TMCO6: variants seen among roughly 807,000 people sequenced by gnomAD.
TMCO6 encodes the protein transmembrane and coiled-coil domains 6, also known as transmembrane and coiled-coil domain-containing protein 6.
TMCO6 carries 47 observed loss-of-function variants against 61.8 expected under a neutral mutation model. That is an observed-to-expected ratio of 0.76 (90% CI 0.60 to 0.97). The LOEUF (loss-of-function observed/expected upper bound fraction) is 0.97. Among genes scored for constraint, TMCO6 ranks in the 50% least tolerant of loss-of-function variants. TMCO6 has a pLI of 0.00. For synonymous variants in TMCO6, 261 were observed against 254.2 expected (o/e 1.03, Z -0.25); for missense variants, 557 against 601.6 (o/e 0.93, Z 0.78).
the TMCO6 span, among the ~76,000 whole-genome samples, chr5:140,607,737 T>A: frequency 6.6e-6 from 1 of 152,064 alleles, no homozygotes; most frequent in Non-Finnish European, 1.5e-5. Flanking sequence ...TTGTTGTTGA[T>A]TAGTGCTATA....
At chr5:140,633,639 T>G in the TMCO6 span, 1 of 161,790 alleles carries the variant, frequency 6.2e-6, no homozygotes, top group Admixed American at 5.8e-5. Context: ...CTCAGATATT[T>G]AACTGCATGT....
chr5:140,621,006 C>T, the TMCO6 span, among the ~76,000 whole-genome samples: 1 of 151,544 alleles, frequency 6.6e-6, no homozygotes, highest in Non-Finnish European at 1.5e-5. Context: ...GAGTGAGAAC[C>T]CATCTCAAAA....
the TMCO6 span, among the ~76,000 whole-genome samples, chr5:140,605,154 C>T: frequency 6.6e-6 from 1 of 152,096 alleles, no homozygotes; most frequent in Non-Finnish European, 1.5e-5. Flanking sequence ...ATTGCTATTG[C>T]ATAGAAACAA....
the TMCO6 span, among the ~76,000 whole-genome samples, chr5:140,627,713 T>G: frequency 7.0e-6 from 1 of 143,034 alleles, no homozygotes; most frequent in Non-Finnish European, 1.5e-5. Context: ...ATTTGCCAGT[T>G]TTTACATTTT....
In TMCO6 at chr5:140,639,844, A is replaced by AT; in HGVS notation, c.191_192insT (p.Glu64AspfsTer35). 1 of 1,604,650 alleles carries AT rather than the reference A, an allele frequency of 6.2e-7. No individual in the cohort carries two copies. Among genetic ancestry groups the AT allele is most frequent in the Non-Finnish European group, 8.5e-7 (1 of 1,176,522 alleles). On this transcript the variant is annotated frameshift_variant, in exon 2 of 12. Transcript: ENST00000394671. LOFTEE classifies it high-confidence loss of function. Reference sequence around the variant, plus strand: ...GGATGTGTGGCTGCGATCCTCGGGGAAACCGAGGTGAGGGGGCAAGGTAGG... The same window carrying AT: ...GGATGTGTGGCTGCGATCCTCGGGGATAACCGAGGTGAGGGGGCAAGGTAGG...
chr5:140,620,843 T>G, the TMCO6 span, among the ~76,000 whole-genome samples: 49,320 of 151,826 alleles, frequency 0.32, 8,433 homozygotes, highest in African/African-American at 0.43. Context: ...AGACCTTGCC[T>G]CTACAAAAAA....
the TMCO6 span, among the ~76,000 whole-genome samples, chr5:140,606,766 A>T: frequency 6.6e-6 from 1 of 152,114 alleles, no homozygotes; most frequent in African/African-American, 2.4e-5. Flanking sequence ...GTCTCTACTA[A>T]AATACAAAAG....
the TMCO6 span, among the ~76,000 whole-genome samples, chr5:140,601,577 CAG>C: frequency 6.6e-6 from 1 of 152,134 alleles, no homozygotes; most frequent in Admixed American, 6.5e-5. Context: ...TTTTTTGAGA[CAG>C]AGTCTCGTTC....
the TMCO6 span, among the ~76,000 whole-genome samples, chr5:140,621,095 A>C: frequency 6.6e-6 from 1 of 152,190 alleles, no homozygotes; most frequent in East Asian, 1.9e-4. Flanking sequence ...ATATATGCCC[A>C]AAAGACCTAT....
the TMCO6 span, among the ~76,000 whole-genome samples, chr5:140,616,030 G>T: frequency 6.6e-6 from 1 of 152,168 alleles, no homozygotes; most frequent in South Asian, 2.1e-4. Context: ...TACTCAGGAG[G>T]CTGAGGCAGG....
chr5:140,618,791 C>A, the TMCO6 span, among the ~76,000 whole-genome samples: 2 of 151,982 alleles, frequency 1.3e-5, no homozygotes, highest in Non-Finnish European at 2.9e-5. Flanking sequence ...TGAATCTAGA[C>A]ACAGATTTTA....
the TMCO6 span, among the ~76,000 whole-genome samples, chr5:140,610,709 T>G: frequency 2.0e-5 from 3 of 152,266 alleles, no homozygotes; most frequent in Non-Finnish European, 2.9e-5. Flanking sequence ...TCAACCTGGA[T>G]GCCATTTATT....
At chr5:140,601,974 A>G in the TMCO6 span, among the ~76,000 whole-genome samples, 1 of 152,246 alleles carries the variant, frequency 6.6e-6, no homozygotes, top group Non-Finnish European at 1.5e-5. Context: ...TTAGGCAACA[A>G]GATGTTGCCC....
chr5:140,631,907 C>T, the TMCO6 span: 3 of 1,597,462 alleles, frequency 1.9e-6, no homozygotes, highest in South Asian at 1.1e-5. Context: ...CCGACACCCC[C>T]ACCGACAGGG....
the TMCO6 span, among the ~76,000 whole-genome samples, chr5:140,600,585 C>T: frequency 6.6e-6 from 1 of 151,864 alleles, no homozygotes; most frequent in Non-Finnish European, 1.5e-5. Flanking sequence ...CCTGCCTCAG[C>T]CTCCTGAGTA....
downstream of TMCO6, chr5:140,647,204 C>A: frequency 6.6e-7 from 1 of 1,512,662 alleles, no homozygotes; most frequent in South Asian, 1.3e-5. Context: ...CTTCTCTTCT[C>A]AAACCCTTGT....
At chr5:140,635,670 G>T (rs1487739853), upstream of TMCO6, among the ~76,000 whole-genome samples, 2 of 152,220 alleles carry the variant, frequency 1.3e-5, no homozygotes, top group African/African-American at 4.8e-5. Flanking sequence ...TCCCTGAAGT[G>T]CTCCAGGAGG....
At chr5:140,646,760 A>G (rs2149802315), downstream of TMCO6, among the ~76,000 whole-genome samples, 1 of 152,310 alleles carries the variant, frequency 6.6e-6, no homozygotes, top group South Asian at 2.1e-4. Context: ...AGTTGCAGCT[A>G]GAGTTTAACA....
In TMCO6 at chr5:140,639,581, G is replaced by C; in HGVS notation, c.54G>C (p.Glu18Asp). 6.5e-7 allele frequency: 1 copy of C among 1,545,514 alleles called. No homozygotes were observed. ...GGCCCACGGTCTGCGGGGTGGAGGA[G>C]CTACGGCGCCGCCGGCGGGAGCGGG... ...RLRPTVCGVEELRRRRREREA... is the reference protein window; with the variant it reads ...RLRPTVCGVEDLRRRRREREA... Residue 18 changes from glutamate (E) to aspartate (D), a missense_variant, in exon 1 of 12, where the codon GAG becomes GAC. Physicochemically the swap from Glu to Asp is conservative, Grantham distance 45. Transcript: ENST00000394671.
Sources: gnomAD v4.1 joint callset for allele counts (sites outside exome capture counted in the v4.1 genomes callset) on GRCh38, gnomAD v4.1.1 for gene constraint, MANE v1.5 for transcripts, NCBI Gene and HGNC (gene_info 2026-07-23, HGNC 2026-07-21) for gene names.